The following DZIP3 variants were observed in gnomAD, a reference collection of about 807,000 sequenced individuals.
DZIP3 encodes E3 ubiquitin-protein ligase DZIP3.
In DZIP3, 118 loss-of-function variants were observed where a neutral mutation model predicts 162.0. The observed-to-expected ratio is 0.73, with a 90% confidence interval of 0.63 to 0.85. DZIP3 has a LOEUF of 0.85. Among genes scored for constraint, DZIP3 ranks in the 40% least tolerant of loss-of-function variants. The pLI is 0.00. For missense variants in DZIP3, 1,331 were observed against 1,407.0 expected (o/e 0.95, Z 0.86); for synonymous variants, 438 against 458.6 (o/e 0.96, Z 0.57).
At chr3:108,621,092 A>T (rs901080468) in intron 5 of DZIP3, among the ~76,000 whole-genome samples, 2 of 152,164 alleles carry the variant, frequency 1.3e-5, no homozygotes, top group Admixed American at 6.5e-5. Context: ...AAGTGTTGGG[A>T]TTACAGGCAT....
chr3:108,611,118 A>T, intron 3 of DZIP3, 56 bp from the exon 4 acceptor site: 1 of 1,469,900 alleles, frequency 6.8e-7, no homozygotes, highest in South Asian at 1.4e-5. Flanking sequence ...TCTTAGAATT[A>T]AGAGTGAATG....
At chr3:108,596,043 T>A (rs1170292027) in intron 1 of DZIP3, among the ~76,000 whole-genome samples, 2 of 151,384 alleles carry the variant, frequency 1.3e-5, no homozygotes, top group Non-Finnish European at 1.5e-5. Context: ...TATTAGGGAG[T>A]GAAAAAAGGG....
At chr3:108,676,935 T>G (rs1022055395) in intron 25 of DZIP3, among the ~76,000 whole-genome samples, 2 of 152,098 alleles carry the variant, frequency 1.3e-5, no homozygotes, top group African/African-American at 4.8e-5. Flanking sequence ...AATGTGTTGT[T>G]AAACTTCCAG....
chr3:108,634,366 C>T (rs1477080938), intron 9 of DZIP3, among the ~76,000 whole-genome samples: 1 of 152,058 alleles, frequency 6.6e-6, no homozygotes, highest in East Asian at 1.9e-4. Flanking sequence ...TTTTAAAAAG[C>T]AAGGTTGTAG....
chr3:108,684,179 G>C (rs1452343992), intron 26 of DZIP3, 37 bp from the exon 27 acceptor site: 1 of 1,566,168 alleles, frequency 6.4e-7, no homozygotes, highest in Admixed American at 1.9e-5. Context: ...ATGTGGGGGG[G>C]GGTGTTGTTT....
At chr3:108,653,323 A>G (rs898165271) in intron 18 of DZIP3, among the ~76,000 whole-genome samples, 7 of 151,512 alleles carry the variant, frequency 4.6e-5, no homozygotes, top group Non-Finnish European at 7.4e-5. Context: ...TAGAGTTTCT[A>G]TTCACTAGTT....
intron 5 of DZIP3, among the ~76,000 whole-genome samples, chr3:108,617,701 C>G (rs1160624224): frequency 1.3e-5 from 2 of 152,152 alleles, no homozygotes; most frequent in African/African-American, 4.8e-5. Context: ...TTACACCATT[C>G]AGAAGGAGAT....
intron 1 of DZIP3, among the ~76,000 whole-genome samples, chr3:108,601,801 CT>C (rs1046233072): frequency 2.0e-5 from 3 of 152,134 alleles, no homozygotes; most frequent in Non-Finnish European, 4.4e-5. Context: ...AGGAAACGAC[CT>C]TTAGGCCTCT....
intron 5 of DZIP3, among the ~76,000 whole-genome samples, chr3:108,623,709 A>G (rs1270502534): frequency 6.6e-6 from 1 of 152,202 alleles, no homozygotes; most frequent in Non-Finnish European, 1.5e-5. Context: ...GCACCAGGAC[A>G]TGGCCAGGAA....
chr3:108,631,051 A>ACTCTCTCTCTCTCTCTCTCTCTCT (rs1431834911), intron 8 of DZIP3, among the ~76,000 whole-genome samples: 3 of 42,028 alleles, frequency 7.1e-5, no homozygotes, highest in Admixed American at 2.9e-4. Flanking sequence ...ACACACACAC[A>ACTCTCTCTCTCTCTCTCTCTCTCT]CACACTCTCT....
intron 7 of DZIP3, among the ~76,000 whole-genome samples, chr3:108,628,834 C>T (rs1941702227): frequency 2.0e-5 from 3 of 152,112 alleles, no homozygotes; most frequent in Admixed American, 2.0e-4. Flanking sequence ...TACCATGGCC[C>T]CCATACTGTT....
intron 5 of DZIP3, among the ~76,000 whole-genome samples, chr3:108,622,046 A>AT (rs1941379214): frequency 1.3e-5 from 2 of 152,112 alleles, no homozygotes; most frequent in South Asian, 2.1e-4. Context: ...AAAAAAAAAA[A>AT]TTAAAATAAT....
At chr3:108,622,880 C>CTGTCTCTCTCTCTG (rs1941428235) in intron 5 of DZIP3, among the ~76,000 whole-genome samples, 1 of 53,084 alleles carries the variant, frequency 1.9e-5, no homozygotes, top group East Asian at 5.0e-4. Flanking sequence ...CTCTCTCTCT[C>CTGTCTCTCTCTCTG]TGTGTGTGTG....
intron 1 of DZIP3, among the ~76,000 whole-genome samples, chr3:108,597,770 T>A (rs1004113647): frequency 6.6e-6 from 1 of 152,062 alleles, no homozygotes; most frequent in Admixed American, 6.6e-5. Flanking sequence ...GTTTTTTACT[T>A]GCTTTTATCT....
At chr3:108,692,063 G>GT (rs1372812295) in intron 32 of DZIP3, among the ~76,000 whole-genome samples, 2 of 151,874 alleles carry the variant, frequency 1.3e-5, no homozygotes, top group Non-Finnish European at 1.5e-5. Flanking sequence ...CTTTTTTTCA[G>GT]TTTAATTTGC....
At chr3:108,685,737 C>T (rs188501081) in intron 27 of DZIP3, among the ~76,000 whole-genome samples, 2 of 152,142 alleles carry the variant, frequency 1.3e-5, no homozygotes, top group African/African-American at 2.4e-5. Flanking sequence ...TTTACTTTCT[C>T]GTTATAAAGG....
chr3:108,608,240 G>T, intron 3 of DZIP3, 82 bp downstream of exon 3: 2 of 1,123,556 alleles, frequency 1.8e-6, no homozygotes, highest in East Asian at 2.5e-5. Context: ...CATCTAGTCA[G>T]TTTAATTACG....
At chr3:108,637,414 CAAATGTT>C in intron 11 of DZIP3, 75 bp from the exon 12 acceptor site, 1 of 1,268,044 alleles carries the variant, frequency 7.9e-7, no homozygotes, top group Non-Finnish European at 1.1e-6. Context: ...TTGTATGTTT[CAAATGTT>C]AAGCTAAGAA....
Position 108,644,698 on chromosome 3 carries a change from C to T in DZIP3, c.1676C>T (p.Ser559Phe). The T allele has an allele frequency of 1.2e-6, 2 of 1,613,224 alleles. No homozygotes were observed. Among genetic ancestry groups the T allele is most frequent in the Non-Finnish European group, 1.7e-6 (2 of 1,179,820 alleles). The change falls in exon 14 of 33, where the codon TCC (serine) becomes TTC (phenylalanine). Residue 559 changes from serine to phenylalanine, a missense_variant. By Grantham distance (155) the Ser-to-Phe change is radical. This residue lies in a region of DZIP3 where 1,278 missense variants were observed against 1,317.1 expected (regional missense o/e 0.97). Coordinates refer to ENST00000361582, the MANE Select transcript of DZIP3 (RefSeq NM_014648.4). ...KVKENPIENI[S>F]LDYHQLSVYL... ...AAGGAGAATCCCATTGAGAATATCT[C>T]CCTTGATTACCATCAGCTATCTGTC... is the stretch of plus-strand genomic sequence containing the variant.
Sources: allele counts gnomAD v4.1 joint callset (sites outside exome capture counted in the v4.1 genomes callset), GRCh38; gene constraint gnomAD v4.1.1; regional missense constraint gnomAD v4.1.1; transcripts MANE v1.5; gene names NCBI Gene and HGNC (gene_info 2026-07-23, HGNC 2026-07-21).